The following TGFBR3 variants were observed in gnomAD, a reference collection of about 807,000 sequenced individuals.
The protein encoded by TGFBR3 is transforming growth factor beta receptor 3.
In TGFBR3, 46 loss-of-function variants were observed where a neutral mutation model predicts 87.9. The ratio of observed to expected loss-of-function variants is 0.52; its 90% CI spans 0.41 to 0.67. The LOEUF is 0.67. Ranked by LOEUF, TGFBR3 falls within the 30% of genes least tolerant of loss-of-function variation. The pLI is 0.00. For synonymous variants in TGFBR3, 381 were observed against 391.6 expected (o/e 0.97, Z 0.32); for missense variants, 866 against 1,041.9 (o/e 0.83, Z 2.32).
intron 2 of TGFBR3, among the ~76,000 whole-genome samples, chr1:91,851,454 AG>A (rs1677731725): frequency 6.6e-6 from 1 of 152,164 alleles, no homozygotes; most frequent in African/African-American, 2.4e-5. Flanking sequence ...TCAGTCCTAA[AG>A]GAAGGCCTCT....
chr1:91,705,428 A>G (rs1671768930), intron 14 of TGFBR3, among the ~76,000 whole-genome samples: 1 of 151,404 alleles, frequency 6.6e-6, no homozygotes, highest in Non-Finnish European at 1.5e-5. Flanking sequence ...ACAGGGTTTC[A>G]CCATGTTGGC....
At chr1:91,742,952 C>A (rs1036040741) in intron 4 of TGFBR3, among the ~76,000 whole-genome samples, 25 of 152,130 alleles carry the variant, frequency 1.6e-4, no homozygotes, top group African/African-American at 6.0e-4. Flanking sequence ...ATTATTTTTT[C>A]TGGATCAGGT....
upstream of TGFBR3, among the ~76,000 whole-genome samples, chr1:91,886,432 G>A (rs982643870): frequency 1.3e-5 from 2 of 152,208 alleles, no homozygotes; most frequent in Non-Finnish European, 2.9e-5. Context: ...CTAGGGGCGC[G>A]GCCGGGCTCA....
chr1:91,719,702 C>G (rs1445257295), intron 9 of TGFBR3, among the ~76,000 whole-genome samples, 191 bp downstream of exon 9: 1 of 152,024 alleles, frequency 6.6e-6, no homozygotes. Context: ...ACCCCCACCC[C>G]CTGTCACTGA....
intron 5 of TGFBR3, 145 bp downstream of exon 5, chr1:91,734,631 G>T: frequency 2.0e-6 from 2 of 1,012,580 alleles, no homozygotes; most frequent in Non-Finnish European, 3.1e-6. Context: ...GCGGTGGAGA[G>T]GCCTGGGGCC....
At chr1:91,850,524 T>C (rs1253808122) in intron 2 of TGFBR3, among the ~76,000 whole-genome samples, 3 of 152,166 alleles carry the variant, frequency 2.0e-5, no homozygotes, top group African/African-American at 7.2e-5. Context: ...CTCACGCCTG[T>C]AATCCTGGCA....
chr1:91,797,313 G>A lies in TGFBR3; in HGVS notation c.220C>T (p.Gln74Ter). Residue 74 changes from glutamine to a stop codon, truncating the protein, a stop_gained, in exon 3 of 17, where the codon CAG becomes TAG. Transcript: ENST00000212355. LOFTEE classifies it high-confidence loss of function. ...TCTCTCTGTAGCTGGCCAGGCCCCT[G>A]GCCTGCAGTGCGGAGATTCAGGACA... The part of the protein sequence containing the change: ...VHVLNLRTAG[Q>*]GPGQLQREVT... 3 of 1,614,212 alleles carry A rather than the reference G, an allele frequency of 1.9e-6. No individual in the cohort carries two copies. Among genetic ancestry groups the A allele is most frequent in the Non-Finnish European group, 2.5e-6 (3 of 1,180,042 alleles).
At position 91,720,081 on chromosome 1, in the gene TGFBR3, A is replaced by C. The variant is rs1672311052; in HGVS notation, c.1225T>G (p.Ser409Ala). 1.2e-6 allele frequency: 2 copies of C among 1,614,108 alleles called. No homozygotes were observed. The highest frequency in any genetic ancestry group is 1.7e-6 in the Non-Finnish European group (2 of 1,180,022). The change falls in exon 9 of 17, where the codon TCC becomes GCC. Residue 409 changes from serine (S) to alanine (A), a missense_variant. Physicochemically the swap from Ser to Ala is moderately conservative, Grantham distance 99. Coordinates refer to ENST00000212355, the MANE Select transcript of TGFBR3 (RefSeq NM_003243.5). ...CCCTCTTCATTCCAGACTCTCCTGG[A>C]AATATCTGGGAAAGGAAACGGAAGG... is the stretch of plus-strand genomic sequence containing the variant. ...GGLPFPFPDI[S>A]RRVWNEEGED...
chr1:91,700,260 T>C (rs1671576132), intron 14 of TGFBR3, among the ~76,000 whole-genome samples: 1 of 152,210 alleles, frequency 6.6e-6, no homozygotes, highest in South Asian at 2.1e-4. Context: ...GCACCTCTCT[T>C]TTCATCTCCA....
At chr1:91,762,400 C>T (rs1040868219) in intron 3 of TGFBR3, among the ~76,000 whole-genome samples, 3 of 152,146 alleles carry the variant, frequency 2.0e-5, no homozygotes, top group Middle Eastern at 3.2e-3. Flanking sequence ...GTTCTAAGAG[C>T]AACAATGGTA....
rs964851770 is a variant in TGFBR3 at position 91,822,849 on chromosome 1, C to T, written c.62-25378G>A. ...GCTGAGGTGGGAGGACTGCTTGAGC[C>T]CAGGAGCCAGAGGTTGCAGCGAGCC... On this transcript the variant is annotated intron_variant, in intron 2 of 16. Coordinates refer to ENST00000212355, the MANE Select transcript of TGFBR3 (RefSeq NM_003243.5). Among the ~76,000 whole-genome samples the T allele has an allele frequency of 2.6e-5, 4 of 152,052 alleles. 1 individual carries two copies. The highest frequency in any genetic ancestry group is 4.2e-4 in the South Asian group (2 of 4,814).
chr1:91,695,820 G>C, intron 15 of TGFBR3, 41 bp from the exon 16 acceptor site: 1 of 1,523,732 alleles, frequency 6.6e-7, no homozygotes, highest in African/African-American at 1.4e-5. Context: ...TTTTTGGTTA[G>C]TCTGCATCAT....
chr1:91,734,757 G>A lies in TGFBR3; in HGVS notation c.568+19C>T. The A allele has an allele frequency of 1.9e-6, 3 of 1,613,534 alleles. No homozygotes were observed. Among genetic ancestry groups the A allele is most frequent in the Non-Finnish European group, 2.5e-6 (3 of 1,179,436 alleles). On this transcript the variant is annotated intron_variant, in intron 5 of 16. Coordinates refer to ENST00000212355, the MANE Select transcript of TGFBR3 (RefSeq NM_003243.5). ...GCCTGTCATAAATCAGTCATTAACT[G>A]AAGCCACATAAAATTTACCTTCCCC...
At chr1:91,820,405 C>T (rs1465702286) in intron 2 of TGFBR3, among the ~76,000 whole-genome samples, 2 of 152,166 alleles carry the variant, frequency 1.3e-5, no homozygotes, top group Admixed American at 6.5e-5. Flanking sequence ...AATAACCAGC[C>T]GGGCACGGTG....
At chr1:91,859,046 G>T in intron 2 of TGFBR3, among the ~76,000 whole-genome samples, 1 of 150,180 alleles carries the variant, frequency 6.7e-6, no homozygotes. Flanking sequence ...CACACAGAGC[G>T]AGACTCTGTA....
At chr1:91,792,857 T>C (rs949015061) in intron 3 of TGFBR3, among the ~76,000 whole-genome samples, 38 of 152,270 alleles carry the variant, frequency 2.5e-4, no homozygotes, top group Admixed American at 2.5e-3. Context: ...GCATTGTTTA[T>C]GCTCTTCTGC....
intron 1 of TGFBR3, chr1:91,905,741 G>A (rs538632586): frequency 7.9e-5 from 12 of 152,328 alleles, no homozygotes; most frequent in African/African-American, 2.9e-4. Context: ...CTTACCCCTA[G>A]ATGAAAAGCA....
At chr1:91,815,643 G>C (rs1676195235) in intron 2 of TGFBR3, among the ~76,000 whole-genome samples, 1 of 152,134 alleles carries the variant, frequency 6.6e-6, no homozygotes, top group South Asian at 2.1e-4. Context: ...CCTTGACTTA[G>C]GGCCCCTCTC....
At position 91,881,844 on chromosome 1, in the gene TGFBR3, C is replaced by T. The variant is rs992009462; in HGVS notation, c.-114+4034G>A. ...CATGAGGTCAGGAGATCAAGACCAT[C>T]GGGGCTAACACAGTGAAGCCCCGTC... On this transcript the variant is annotated intron_variant, in intron 1 of 16. Transcript: ENST00000212355. Among the ~76,000 whole-genome samples, 7 of 151,896 alleles carry T rather than the reference C, an allele frequency of 4.6e-5. 1 individual carries two copies. Among genetic ancestry groups the T allele is most frequent in the Non-Finnish European group, 8.8e-5 (6 of 67,994 alleles).
Sources: gnomAD v4.1 joint callset for allele counts (sites outside exome capture counted in the v4.1 genomes callset) on GRCh38, gnomAD v4.1.1 for gene constraint, MANE v1.5 for transcripts, NCBI Gene and HGNC (gene_info 2026-07-23, HGNC 2026-07-21) for gene names.